The following LRRFIP2 variants were observed in gnomAD, a reference collection of about 807,000 sequenced individuals.
The protein encoded by LRRFIP2 is leucine-rich repeat flightless-interacting protein 2.
In LRRFIP2, 109 loss-of-function variants were observed where a neutral mutation model predicts 125.9. The observed-to-expected ratio is 0.87, with a 90% confidence interval of 0.74 to 1.01. The LOEUF is 1.01. Among genes scored for constraint, LRRFIP2 ranks in the 50% least tolerant of loss-of-function variants. The pLI is 0.00. For synonymous variants in LRRFIP2, 291 were observed against 293.1 expected (o/e 0.99, Z 0.07); for missense variants, 850 against 862.3 (o/e 0.99, Z 0.18).
chr3:37,132,892 T>C (rs1019060074), intron 2 of LRRFIP2, among the ~76,000 whole-genome samples: 2 of 152,076 alleles, frequency 1.3e-5, no homozygotes, highest in Admixed American at 6.6e-5. Context: ...ACAAAATAAA[T>C]GGGATATAAC....
At chr3:37,066,488 A>C (rs958896282) in intron 21 of LRRFIP2, 163 bp from the exon 22 acceptor site, 1 of 624,098 alleles carries the variant, frequency 1.6e-6, no homozygotes, top group African/African-American at 1.8e-5. Flanking sequence ...GGAAATACAG[A>C]GTTACATGGA....
intron 2 of LRRFIP2, among the ~76,000 whole-genome samples, chr3:37,144,278 T>C (rs920213075): frequency 6.6e-6 from 1 of 152,252 alleles, no homozygotes; most frequent in Non-Finnish European, 1.5e-5. Context: ...GCCTGGGGAA[T>C]GAAACAAAGG....
chr3:37,141,441 C>A (rs1335089129), intron 2 of LRRFIP2, among the ~76,000 whole-genome samples: 1 of 152,220 alleles, frequency 6.6e-6, no homozygotes, highest in Non-Finnish European at 1.5e-5. Context: ...ATAGTGCTAG[C>A]TGTTTTACAC....
intron 4 of LRRFIP2, among the ~76,000 whole-genome samples, chr3:37,126,587 G>A (rs1423659033): frequency 3.3e-5 from 5 of 151,548 alleles, no homozygotes; most frequent in East Asian, 3.9e-4. Flanking sequence ...GGCTGGGCGC[G>A]GTGGCTCACA....
intron 1 of LRRFIP2, among the ~76,000 whole-genome samples, chr3:37,158,551 G>A (rs1473134883): frequency 3.3e-5 from 5 of 150,962 alleles, no homozygotes; most frequent in African/African-American, 1.2e-4. Context: ...AGGTTGCAGT[G>A]AGCCAAGGTC....
chr3:37,054,021 T>G, intron 27 of LRRFIP2, 60 bp from the exon 28 acceptor site: 1 of 987,752 alleles, frequency 1.0e-6, no homozygotes, highest in South Asian at 1.3e-5. Flanking sequence ...AGTGCTACTC[T>G]ATTTTCAACT....
At chr3:37,171,051 GCAT>G (rs2096579619) in intron 1 of LRRFIP2, 1 of 152,280 alleles carries the variant, frequency 6.6e-6, no homozygotes, top group African/African-American at 2.4e-5. Context: ...TCCAGCGTGG[GCAT>G]CAGAGTGAGA....
At chr3:37,137,383 A>C (rs2095584561) in intron 2 of LRRFIP2, among the ~76,000 whole-genome samples, 2 of 152,132 alleles carry the variant, frequency 1.3e-5, no homozygotes, top group African/African-American at 4.8e-5. Flanking sequence ...CATCCTAAGA[A>C]TCTTACTTCA....
chr3:37,161,010 G>A (rs2096323815), intron 1 of LRRFIP2, among the ~76,000 whole-genome samples: 1 of 151,938 alleles, frequency 6.6e-6, no homozygotes, highest in South Asian at 2.1e-4. Flanking sequence ...ATAAGCAAAT[G>A]CGGCATATCC....
chr3:37,162,722 T>A (rs2096380272), intron 1 of LRRFIP2, among the ~76,000 whole-genome samples: 1 of 152,150 alleles, frequency 6.6e-6, no homozygotes, highest in African/African-American at 2.4e-5. Context: ...GATAGGTGTA[T>A]CTCAGAAAGA....
intron 1 of LRRFIP2, among the ~76,000 whole-genome samples, chr3:37,155,487 A>G (rs1391465277): frequency 6.6e-6 from 1 of 152,246 alleles, no homozygotes; most frequent in African/African-American, 2.4e-5. Context: ...ACATGTATAC[A>G]ATAAAAACAA....
chr3:37,079,612 C>A (rs2092445621), intron 19 of LRRFIP2, among the ~76,000 whole-genome samples: 1 of 152,134 alleles, frequency 6.6e-6, no homozygotes, highest in Non-Finnish European at 1.5e-5. Context: ...GTCCAAAAAA[C>A]AACCTGTATA....
chr3:37,109,662 C>A lies in LRRFIP2; in HGVS notation c.555G>T (p.Lys185Asn), dbSNP rs1559885529. The change falls in exon 10 of 28, where the codon AAG becomes AAT. Residue 185 changes from lysine to asparagine, a missense_variant. Physicochemically the swap from Lys to Asn is moderately conservative, Grantham distance 94 (BLOSUM62 0). Transcript: ENST00000336686. ...SLYSDPLATY[K>N]SDRASPTANS... ...CTCAGAAAGTACTAACCCTGTCACT[C>A]TTATATGTTGCCAGAGGGTCACTGT... 6.2e-7 allele frequency: 1 copy of A among 1,614,062 alleles called. No homozygotes were observed. The highest frequency in any genetic ancestry group is 8.5e-7 in the Non-Finnish European group (1 of 1,179,962).
chr3:37,149,096 A>G, intron 1 of LRRFIP2, 58 bp from the exon 2 acceptor site: 1 of 1,397,108 alleles, frequency 7.2e-7, no homozygotes. Context: ...TTTCATGCTC[A>G]TTTATATATT....
At position 37,059,617 on chromosome 3, in the gene LRRFIP2, T is replaced by A. The variant is rs546391045; in HGVS notation, c.1750-707A>T. On this transcript the variant is annotated intron_variant, in intron 24 of 27. Coordinates refer to ENST00000336686, the MANE Select transcript of LRRFIP2 (RefSeq NM_006309.4). ...TCCTGGCCAACATGGTGAAACCCCA[T>A]CTCTACTAAAACTACAAAAATTAGT... is the stretch of plus-strand genomic sequence containing the variant. Among the ~76,000 whole-genome samples the A allele has an allele frequency of 4.6e-5, 7 of 152,078 alleles. No individual in the cohort carries two copies. In the East Asian group the frequency reaches 1.4e-3, roughly 29 times the overall value.
intron 1 of LRRFIP2, 61 bp downstream of exon 1, chr3:37,174,478 T>C (rs1199755372): frequency 6.6e-6 from 1 of 152,208 alleles, no homozygotes; most frequent in Non-Finnish European, 1.5e-5. Context: ...AAATGGGTGA[T>C]GCTTTCCACT....
rs1171074014 is a variant in LRRFIP2 at position 37,165,781 on chromosome 3, A to AGAAAG, written c.-56+8757_-56+8758insCTTTC. ...CAAAAAAAAGAAAAGAAAAGAAAAG[A>AGAAAG]AAAGAGAAAGAAAGAGAAAGAAAGA... is the stretch of plus-strand genomic sequence containing the variant. On this transcript the variant is annotated intron_variant, in intron 1 of 27. Coordinates refer to ENST00000336686, the MANE Select transcript of LRRFIP2 (RefSeq NM_006309.4). 4.1e-3 allele frequency among the ~76,000 whole-genome samples: 558 copies of AGAAAG among 134,800 alleles called. 12 individuals are homozygous for AGAAAG. The highest frequency in any genetic ancestry group is 0.016 in the African/African-American group (522 of 32,648). 88.4% of individuals were successfully genotyped at this position (134,800 alleles called of 152,430 possible).
At chr3:37,068,335 G>A (rs978487029) in intron 21 of LRRFIP2, 9 of 152,174 alleles carry the variant, frequency 5.9e-5, no homozygotes, top group African/African-American at 1.9e-4. Context: ...GACCTCTGAG[G>A]AACAGGCCAA....
intron 2 of LRRFIP2, among the ~76,000 whole-genome samples, chr3:37,143,174 A>G (rs1408910610): frequency 1.3e-5 from 2 of 152,196 alleles, no homozygotes; most frequent in Admixed American, 1.3e-4. Flanking sequence ...CCATAAGCCA[A>G]TTAAACCTCT....
Sources: allele counts gnomAD v4.1 joint callset (sites outside exome capture counted in the v4.1 genomes callset), GRCh38; gene constraint gnomAD v4.1.1; transcripts MANE v1.5; gene names NCBI Gene and HGNC (gene_info 2026-07-23, HGNC 2026-07-21).